The following TEX30 variants were observed in gnomAD, a reference collection of about 807,000 sequenced individuals.
The protein encoded by TEX30 is testis expressed 30, also known as testis-expressed protein 30.
TEX30 carries 14 observed loss-of-function variants against 23.8 expected under a neutral mutation model. The ratio of observed to expected loss-of-function variants is 0.59; its 90% CI spans 0.39 to 0.92. The LOEUF (loss-of-function observed/expected upper bound fraction) is 0.92, where lower values mean the gene tolerates loss of function less well. Among genes scored for constraint, TEX30 ranks in the 40% least tolerant of loss-of-function variants. The probability of loss-of-function intolerance (pLI) is 0.00; values close to 1 mark genes in which losing one functional copy is unlikely to be tolerated. For missense variants in TEX30, 246 were observed against 270.6 expected (o/e 0.91, Z 0.64); for synonymous variants, 78 against 90.2 (o/e 0.87, Z 0.76).
chr13:102,770,202 C>A, intron 1 of TEX30, 116 bp from the exon 2 acceptor site: 1 of 413,362 alleles, frequency 2.4e-6, no homozygotes. Context: ...TCCCTAAAAT[C>A]TGGTGTCTTT....
intron 5 of TEX30, among the ~76,000 whole-genome samples, chr13:102,766,977 G>A (rs1409814935): frequency 6.6e-6 from 1 of 152,132 alleles, no homozygotes; most frequent in Non-Finnish European, 1.5e-5. Context: ...CTGCCTGAAT[G>A]TTGAAATGAT....
At chr13:102,769,026 A>C (rs1236576575) in intron 3 of TEX30, among the ~76,000 whole-genome samples, 2 of 152,242 alleles carry the variant, frequency 1.3e-5, no homozygotes, top group Non-Finnish European at 1.5e-5. Flanking sequence ...CTAGAATGCC[A>C]AAATGATGTG....
chr13:102,773,600 A>C (rs1353880546), intron 1 of TEX30, 82 bp downstream of exon 1: 3 of 151,914 alleles, frequency 2.0e-5, no homozygotes, highest in Admixed American at 6.5e-5. Context: ...CAAACGTCTC[A>C]GGCGGGCCTG....
At position 102,766,545 on chromosome 13, in the gene TEX30, A is replaced by G. The variant is rs146489906; in HGVS notation, c.540T>C (p.Ala180=). 3.2e-5 allele frequency: 52 copies of G among 1,613,234 alleles called. No individual in the cohort carries two copies. Among genetic ancestry groups the G allele is most frequent in the Non-Finnish European group, 4.4e-5 (52 of 1,179,702 alleles). Reference sequence around the variant, plus strand: ...TCTCAATCCAGTGGATTTTATGGGGAGCTTGCATTTTCTGTGCCACTTTCT... The same window carrying G: ...TCTCAATCCAGTGGATTTTATGGGGGGCTTGCATTTTCTGTGCCACTTTCT... ...LLEKVAQKMQ[A]PHKIHWIEKA... The change falls in exon 6 of 6, where the codon GCT becomes GCC. Residue 180 remains alanine, a synonymous_variant. Coordinates refer to ENST00000376032, the MANE Select transcript of TEX30 (RefSeq NM_138779.5).
At chr13:102,768,188 A>C in intron 4 of TEX30, 72 bp downstream of exon 4, 1 of 1,292,314 alleles carries the variant, frequency 7.7e-7, no homozygotes, top group Non-Finnish European at 1.1e-6. Context: ...TGATCAACTA[A>C]TTTTAATTCT....
intron 1 of TEX30, chr13:102,773,401 C>G (rs1877472610): frequency 6.6e-6 from 1 of 152,116 alleles, no homozygotes; most frequent in Non-Finnish European, 1.5e-5. Flanking sequence ...GAGCCAGTCA[C>G]CCGGGACTGG....
At position 102,769,842 on chromosome 13, in the gene TEX30, A is replaced by G. The variant is rs907152691; in HGVS notation, c.15+170T>C. 16 of 556,034 alleles carry G rather than the reference A, an allele frequency of 2.9e-5. No homozygotes were observed. The African/African-American group carries it at 2.9e-4, about 10-fold the overall frequency. The allele number at this position is 556,034 out of a possible 1,614,324, so 34.4% of individuals were successfully genotyped here. A position where few individuals can be genotyped will look rare whatever the true frequency, so the allele number is the denominator to read the frequency against. ...ACTTGCCCAAGGTTATATAGCCGCT[A>G]GCTAGGATTTAAACTCAGGGTAGTC... is the stretch of plus-strand genomic sequence containing the variant. On this transcript the variant is annotated intron_variant, in intron 2 of 5. Coordinates refer to ENST00000376032, the MANE Select transcript of TEX30 (RefSeq NM_138779.5).
chr13:102,771,724 T>C (rs1486356187), intron 1 of TEX30, among the ~76,000 whole-genome samples: 1 of 152,240 alleles, frequency 6.6e-6, no homozygotes, highest in Non-Finnish European at 1.5e-5. Flanking sequence ...TGTTTTACTT[T>C]CTCAAGAGAA....
Position 102,767,454 on chromosome 13 carries a change from G to A in TEX30, c.323C>T (p.Ala108Val). 6 of 1,614,118 alleles carry A rather than the reference G, an allele frequency of 3.7e-6. No individual in the cohort carries two copies. Among genetic ancestry groups the A allele is most frequent in the East Asian group, 4.5e-5 (2 of 44,886 alleles). The change falls in exon 5 of 6, where the codon GCT (alanine) becomes GTT (valine). Residue 108 changes from alanine (A) to valine (V), a missense_variant. Coordinates refer to ENST00000376032, the MANE Select transcript of TEX30 (RefSeq NM_138779.5). ...LGGRSMGSRA[A>V]ASVMCHIEPD... The stretch of plus-strand genomic sequence containing the variant: ...CTCAATGTGACACATTACAGAAGCA[G>A]CTGCTCTTGAGCCCATTGAACGACC...
In TEX30 at chr13:102,766,202, C is replaced by A. The variant is rs370742003; in HGVS notation, c.*199G>T. 5.0e-5 allele frequency: 19 copies of A among 380,198 alleles called. No homozygotes were observed. The East Asian group carries it at 6.7e-4, about 13-fold the overall frequency. The allele number at this position is 380,198 out of a possible 1,614,324, so 23.6% of individuals were successfully genotyped here. Reference sequence around the variant, plus strand: ...ATGTAGACCACCTTCAATATTTTTACATCATCTTTATACAACTGTAACAGT... The same window carrying A: ...ATGTAGACCACCTTCAATATTTTTAAATCATCTTTATACAACTGTAACAGT... On this transcript the variant is annotated 3_prime_UTR_variant, in exon 6 of 6. Coordinates refer to ENST00000376032, the MANE Select transcript of TEX30 (RefSeq NM_138779.5).
intron 1 of TEX30, among the ~76,000 whole-genome samples, chr13:102,772,669 G>A (rs1877406610): frequency 6.6e-6 from 1 of 152,164 alleles, no homozygotes; most frequent in East Asian, 1.9e-4. Context: ...TCTGCCTCCC[G>A]GGTTCAAGAG....
intron 3 of TEX30, among the ~76,000 whole-genome samples, chr13:102,769,101 C>A (rs186631744): frequency 1.4e-3 from 220 of 152,248 alleles, no homozygotes; most frequent in African/African-American, 5.1e-3. Context: ...CACGGAGGAA[C>A]ATTTATGATG....
At position 102,767,485 on chromosome 13, in the gene TEX30, T is replaced by C; in HGVS notation, c.299-7A>G. On this transcript the variant is annotated splice_region_variant and splice_polypyrimidine_tract_variant and intron_variant, in intron 4 of 5. Transcript: ENST00000376032. ...CTTGAGCCCATTGAACGACCTAAAA[T>C]CAATTAAAATTAAGTTCAGTTTGAA... is the stretch of plus-strand genomic sequence containing the variant. The C allele has an allele frequency of 6.2e-7, 1 of 1,613,012 alleles. No homozygotes were observed. Among genetic ancestry groups the C allele is most frequent in the African/African-American group, 1.3e-5 (1 of 74,962 alleles).
chr13:102,770,139 C>T lies in TEX30; in HGVS notation c.-60-53G>A, dbSNP rs1048513423. The T allele has an allele frequency of 3.0e-5, 19 of 623,036 alleles. No homozygotes were observed. In the Admixed American group the frequency reaches 7.4e-4, roughly 24 times the overall value. 38.6% of individuals were successfully genotyped at this position (623,036 alleles called of 1,614,324 possible). A position where few individuals can be genotyped will look rare whatever the true frequency, so the allele number is the denominator to read the frequency against. On this transcript the variant is annotated intron_variant, in intron 1 of 5. Transcript: ENST00000376032. ...TGAGTTGGCAGACATGGATATGACACAAAAACTATGAATGAACACATTCAG... is the reference window on the plus strand; with the variant it reads ...TGAGTTGGCAGACATGGATATGACATAAAAACTATGAATGAACACATTCAG...
chr13:102,773,647 C>A (rs897978349), intron 1 of TEX30, 35 bp downstream of exon 1: 3 of 152,222 alleles, frequency 2.0e-5, no homozygotes, highest in African/African-American at 7.2e-5. Context: ...AGCCGCCCGT[C>A]AGCCGGCGGC....
At chr13:102,770,644 T>A (rs1877255458) in intron 1 of TEX30, 1 of 152,198 alleles carries the variant, frequency 6.6e-6, no homozygotes, top group Non-Finnish European at 1.5e-5. Context: ...AGCTGAGGCA[T>A]GGCAAACTTC....
At chr13:102,772,993 C>T (rs1411206720) in intron 1 of TEX30, among the ~76,000 whole-genome samples, 1 of 152,260 alleles carries the variant, frequency 6.6e-6, no homozygotes, top group Non-Finnish European at 1.5e-5. Context: ...CCACGAAACG[C>T]CAGCTCTAGT....
Position 102,765,909 on chromosome 13 carries a change from C to A in TEX30, c.*492G>T, listed in dbSNP as rs1429684345. The A allele has an allele frequency of 6.6e-6, 1 of 152,236 alleles. No individual in the cohort carries two copies. The highest frequency in any genetic ancestry group is 1.5e-5 in the Non-Finnish European group (1 of 68,072). The allele number at this position is 152,236 out of a possible 1,614,324, so 9.4% of individuals were successfully genotyped here. A position where few individuals can be genotyped will look rare whatever the true frequency, so the allele number is the denominator to read the frequency against. ...CTTCTTGAATTAAAGATCTTTATTT[C>A]ATTCTAAAAAATCTTCAGGGTCCCC... On this transcript the variant is annotated 3_prime_UTR_variant, in exon 6 of 6. Coordinates refer to ENST00000376032, the MANE Select transcript of TEX30 (RefSeq NM_138779.5).
rs959492826 is a variant in TEX30, at chr13:102,768,793, TA to T, written c.247-483del. ...TAACACTCATGACACCTGATAAGCT[TA>T]AAAAAAAATTGCAAAAAAAATCTCA... On this transcript the variant is annotated intron_variant, in intron 3 of 5. Transcript: ENST00000376032. Among the ~76,000 whole-genome samples the T allele has an allele frequency of 1.5e-3, 223 of 151,558 alleles. 2 individuals are homozygous for T. The highest frequency in any genetic ancestry group is 9.9e-3 in the Admixed American group (150 of 15,202).
Sources: gnomAD v4.1 joint callset for allele counts (sites outside exome capture counted in the v4.1 genomes callset) on GRCh38, gnomAD v4.1.1 for gene constraint, MANE v1.5 for transcripts, NCBI Gene and HGNC (gene_info 2026-07-23, HGNC 2026-07-21) for gene names.